CHST8: variants seen among roughly 807,000 people sequenced by gnomAD.
CHST8 encodes the protein GALNAC-4-ST1.
Under a neutral mutation model 15.0 loss-of-function variants are expected in CHST8, and 10 were observed. That is an observed-to-expected ratio of 0.67 (90% CI 0.41 to 1.13). The LOEUF is 1.13. CHST8 is among the 50% of genes most tolerant of loss of function. The probability of loss-of-function intolerance (pLI) is 0.00; values close to 1 mark genes in which losing one functional copy is unlikely to be tolerated. For synonymous variants in CHST8, 259 were observed against 256.6 expected, an observed-to-expected ratio of 1.01 and a Z score of -0.09; for missense variants, 634 against 608.2, an observed-to-expected ratio of 1.04 and a Z score of -0.45.
At chr19:33,692,235 G>A (rs964544266) in intron 3 of CHST8, among the ~76,000 whole-genome samples, 1 of 152,224 alleles carries the variant, frequency 6.6e-6, no homozygotes, top group African/African-American at 2.4e-5. Flanking sequence ...ATGAAGTTTT[G>A]TGTAACAGAG....
intron 3 of CHST8, among the ~76,000 whole-genome samples, chr19:33,768,433 A>T (rs151218152): frequency 1.6e-3 from 243 of 151,850 alleles, no homozygotes; most frequent in South Asian, 0.016. Context: ...ATAAATGTAA[A>T]TTTTTTTTCT....
At chr19:33,701,317 TG>T (rs1287372388) in intron 3 of CHST8, among the ~76,000 whole-genome samples, 1 of 152,174 alleles carries the variant, frequency 6.6e-6, no homozygotes, top group African/African-American at 2.4e-5. Flanking sequence ...GAAGACACCC[TG>T]GGGGTCTCTA....
chr19:33,674,834 G>C (rs1490569637), intron 2 of CHST8, among the ~76,000 whole-genome samples: 1 of 152,234 alleles, frequency 6.6e-6, no homozygotes, highest in East Asian at 1.9e-4. Flanking sequence ...GACCTGCTGA[G>C]CTGGGGTGAA....
At chr19:33,625,221 G>A (rs1972035971) in intron 1 of CHST8, among the ~76,000 whole-genome samples, 1 of 152,060 alleles carries the variant, frequency 6.6e-6, no homozygotes, top group African/African-American at 2.4e-5. Flanking sequence ...GAGTAGCTGG[G>A]ATTACAGGCA....
intron 3 of CHST8, among the ~76,000 whole-genome samples, chr19:33,714,442 G>A (rs937987227): frequency 5.3e-5 from 8 of 152,162 alleles, no homozygotes; most frequent in African/African-American, 9.7e-5. Flanking sequence ...GGAGCTAAAC[G>A]ATGGGTACCC....
chr19:33,752,729 C>T (rs540810198), intron 3 of CHST8, among the ~76,000 whole-genome samples: 49 of 152,246 alleles, frequency 3.2e-4, no homozygotes, highest in African/African-American at 1.1e-3. Flanking sequence ...CATATTTTAT[C>T]GTTTAAATAG....
At chr19:33,683,700 A>T (rs1051318464) in intron 2 of CHST8, among the ~76,000 whole-genome samples, 3 of 152,170 alleles carry the variant, frequency 2.0e-5, no homozygotes, top group Non-Finnish European at 4.4e-5. Flanking sequence ...GCTATTGATC[A>T]CCTTCCCTGT....
intron 3 of CHST8, among the ~76,000 whole-genome samples, chr19:33,728,231 T>C (rs1024201066): frequency 6.6e-6 from 1 of 152,270 alleles, no homozygotes; most frequent in South Asian, 2.1e-4. Flanking sequence ...TTCAGCATCA[T>C]TCACACATCC....
rs141478816 is a variant in CHST8, at chr19:33,672,585, G to A, written c.-87+4742G>A. Among the ~76,000 whole-genome samples the A allele has an allele frequency of 2.4e-3, 368 of 152,320 alleles. 1 individual carries two copies. Among genetic ancestry groups the A allele is most frequent in the African/African-American group, 8.6e-3 (356 of 41,558 alleles). ...TTCTTAGGCAGATGTGTTTGCGATG[G>A]GGGAAGATGCGGAGAAACAGGAAGA... On this transcript the variant is annotated intron_variant, in intron 2 of 4. Coordinates refer to ENST00000650847, the MANE Select transcript of CHST8 (RefSeq NM_001127895.2).
chr19:33,673,753 T>G (rs1374476146), intron 2 of CHST8, among the ~76,000 whole-genome samples: 1 of 151,344 alleles, frequency 6.6e-6, no homozygotes, highest in Non-Finnish European at 1.5e-5. Flanking sequence ...CTTCTCCCAC[T>G]TTTTTTTTAT....
At chr19:33,765,261 G>A (rs983162165) in intron 3 of CHST8, among the ~76,000 whole-genome samples, 19 of 151,976 alleles carry the variant, frequency 1.3e-4, no homozygotes, top group Admixed American at 1.2e-3. Flanking sequence ...GTCGAAAGCT[G>A]GAAGAGTCGA....
At chr19:33,689,424 C>T (rs777145891) in intron 3 of CHST8, 33 bp downstream of exon 3, 29 of 1,525,500 alleles carry the variant, frequency 1.9e-5, no homozygotes, top group African/African-American at 1.7e-4. Context: ...GCCATCACTG[C>T]CCCCAGCTTT....
chr19:33,645,850 GGT>G (rs1219907511), intron 1 of CHST8, among the ~76,000 whole-genome samples: 1 of 152,200 alleles, frequency 6.6e-6, no homozygotes, highest in Admixed American at 6.5e-5. Flanking sequence ...GTGAGGGCCA[GGT>G]GTGGTGGCTC....
chr19:33,684,272 T>C (rs1972936845), intron 2 of CHST8, among the ~76,000 whole-genome samples: 1 of 150,994 alleles, frequency 6.6e-6, no homozygotes, highest in Admixed American at 6.6e-5. Flanking sequence ...TGGGGGGGAG[T>C]GGAGAGAACC....
intron 1 of CHST8, among the ~76,000 whole-genome samples, chr19:33,624,159 AC>A (rs1972021222): frequency 6.6e-6 from 1 of 152,246 alleles, no homozygotes; most frequent in South Asian, 2.1e-4. Context: ...TTTTAAAAAG[AC>A]CCCAAATTAA....
intron 2 of CHST8, among the ~76,000 whole-genome samples, chr19:33,679,252 C>T (rs529993086): frequency 2.1e-4 from 32 of 152,264 alleles, no homozygotes; most frequent in African/African-American, 7.0e-4. Context: ...GCTGTGGCTG[C>T]GGATGTCAGA....
chr19:33,766,101 G>A (rs754924412), intron 3 of CHST8, among the ~76,000 whole-genome samples: 12 of 151,960 alleles, frequency 7.9e-5, no homozygotes, highest in African/African-American at 1.2e-4. Flanking sequence ...AATCACATGA[G>A]CCAGTTTCTT....
At chr19:33,635,871 A>G (rs1331352390) in intron 1 of CHST8, among the ~76,000 whole-genome samples, 3 of 152,152 alleles carry the variant, frequency 2.0e-5, no homozygotes, top group Admixed American at 2.0e-4. Context: ...CTTTGGGACT[A>G]CAGTGCATGG....
chr19:33,688,066 G>C (rs980688009), intron 2 of CHST8, among the ~76,000 whole-genome samples: 1 of 152,346 alleles, frequency 6.6e-6, no homozygotes, highest in East Asian at 1.9e-4. Context: ...TAGCCAGCAA[G>C]GCCCGCTGGA....
Sources: allele counts gnomAD v4.1 joint callset (sites outside exome capture counted in the v4.1 genomes callset), GRCh38; gene constraint gnomAD v4.1.1; transcripts MANE v1.5; gene names NCBI Gene and HGNC (gene_info 2026-07-23, HGNC 2026-07-21).